Variants in MDGA2 observed in about 807,000 individuals in gnomAD.
The protein encoded by MDGA2 is MAM domain containing glycosylphosphatidylinositol anchor 2, also known as MAM domain-containing glycosylphosphatidylinositol anchor protein 2.
A neutral mutation model predicts 117.8 loss-of-function variants in MDGA2; 40 were observed. The ratio of observed to expected loss-of-function variants is 0.34; its 90% CI spans 0.26 to 0.44. MDGA2 has a LOEUF of 0.44. Among genes scored for constraint, MDGA2 ranks in the 20% least tolerant of loss-of-function variants. The probability of loss-of-function intolerance (pLI) is 1.00; values close to 1 mark genes in which losing one functional copy is unlikely to be tolerated. For synonymous variants in MDGA2, 452 were observed against 439.0 expected, an observed-to-expected ratio of 1.03 and a Z score of -0.37; for missense variants, 1,123 against 1,250.6, an observed-to-expected ratio of 0.90 and a Z score of 1.54.
intron 3 of MDGA2, among the ~76,000 whole-genome samples, chr14:47,153,556 T>TA (rs1274743387): frequency 6.6e-6 from 1 of 151,850 alleles, no homozygotes; most frequent in African/African-American, 2.4e-5. Context: ...AGAGCCAAAA[T>TA]AAGTCTGGGC....
chr14:47,403,070 A>G (rs1266178406), intron 1 of MDGA2, among the ~76,000 whole-genome samples: 1 of 152,026 alleles, frequency 6.6e-6, no homozygotes, highest in East Asian at 1.9e-4. Context: ...TTCTCTCCAC[A>G]CTTTCTCTCT....
At chr14:47,564,497 C>T (rs565456284) in intron 1 of MDGA2, among the ~76,000 whole-genome samples, 1 of 152,208 alleles carries the variant, frequency 6.6e-6, no homozygotes, top group East Asian at 1.9e-4. Flanking sequence ...CTTATAAAAC[C>T]CTCAAATCTC....
At chr14:47,428,169 AAATT>A (rs1417386546) in intron 1 of MDGA2, among the ~76,000 whole-genome samples, 2 of 152,148 alleles carry the variant, frequency 1.3e-5, no homozygotes, top group Admixed American at 6.6e-5. Flanking sequence ...AAACAGGAAA[AAATT>A]AAAGAAACTC....
intron 3 of MDGA2, among the ~76,000 whole-genome samples, chr14:47,152,305 T>C (rs769018618): frequency 9.2e-5 from 14 of 152,188 alleles, no homozygotes; most frequent in Non-Finnish European, 1.3e-4. Flanking sequence ...TACTTTGCAA[T>C]ATTTTTTTGA....
intron 1 of MDGA2, among the ~76,000 whole-genome samples, chr14:47,488,427 C>G (rs1253648129): frequency 6.6e-6 from 1 of 152,114 alleles, no homozygotes; most frequent in Non-Finnish European, 1.5e-5. Context: ...ATTTCTACTA[C>G]TTTGTGTGCT....
At chr14:46,925,464 T>G (rs1884289961) in intron 9 of MDGA2, among the ~76,000 whole-genome samples, 1 of 151,746 alleles carries the variant, frequency 6.6e-6, no homozygotes, top group Non-Finnish European at 1.5e-5. Context: ...AAACCCCATC[T>G]CTACTAAAAA....
chr14:46,934,816 T>A (rs903534856), intron 9 of MDGA2, among the ~76,000 whole-genome samples: 8 of 152,140 alleles, frequency 5.3e-5, no homozygotes, highest in Admixed American at 2.6e-4. Context: ...AATCATTTCA[T>A]TAATACACGG....
chr14:47,563,881 A>T (rs1895868228), intron 1 of MDGA2, among the ~76,000 whole-genome samples: 1 of 151,998 alleles, frequency 6.6e-6, no homozygotes, highest in Non-Finnish European at 1.5e-5. Context: ...GTGTTTTTGT[A>T]GCAGTGAGTA....
At chr14:47,408,056 C>CTT (rs56285818) in intron 1 of MDGA2, among the ~76,000 whole-genome samples, 19,783 of 115,140 alleles carry the variant, frequency 0.17, 2,105 homozygotes, top group African/African-American at 0.24. Flanking sequence ...GGAGATTATT[C>CTT]TTTTTTTTTT....
intron 9 of MDGA2, among the ~76,000 whole-genome samples, chr14:46,939,881 G>A (rs1228634327): frequency 6.6e-6 from 1 of 152,108 alleles, no homozygotes; most frequent in East Asian, 1.9e-4. Context: ...AATACCTTTG[G>A]GTATGGTTGC....
chr14:46,887,239 T>A (rs1390225388), intron 10 of MDGA2, among the ~76,000 whole-genome samples: 4 of 152,038 alleles, frequency 2.6e-5, no homozygotes, highest in Non-Finnish European at 4.4e-5. Flanking sequence ...TATCATTATA[T>A]GTAATATCCC....
At chr14:47,128,022 C>T (rs1249085110) in intron 5 of MDGA2, among the ~76,000 whole-genome samples, 1 of 152,088 alleles carries the variant, frequency 6.6e-6, no homozygotes, top group Non-Finnish European at 1.5e-5. Flanking sequence ...TCTTCAAACA[C>T]TGGAGTCAAT....
intron 1 of MDGA2, among the ~76,000 whole-genome samples, chr14:47,438,501 A>C (rs1015948845): frequency 6.6e-5 from 10 of 152,148 alleles, no homozygotes; most frequent in Admixed American, 5.9e-4. Context: ...AAATAATTTC[A>C]AATATTCCTG....
intron 1 of MDGA2, among the ~76,000 whole-genome samples, chr14:47,619,136 CACACACACACACACAGAT>C (rs1897001575): frequency 1.5e-5 from 2 of 132,622 alleles, no homozygotes; most frequent in African/African-American, 5.0e-5. Context: ...CACACACACA[CACACACACACACACAGAT>C]ACATTATCTA....
At chr14:46,990,882 A>ACC (rs1887067040) in intron 8 of MDGA2, among the ~76,000 whole-genome samples, 8 of 144,124 alleles carry the variant, frequency 5.6e-5, no homozygotes, top group Admixed American at 3.4e-4. Flanking sequence ...ACACACACAC[A>ACC]CACACACACA....
At chr14:47,106,839 C>T (rs12432283) in intron 5 of MDGA2, among the ~76,000 whole-genome samples, 18,664 of 139,184 alleles carry the variant, frequency 0.13, 1,696 homozygotes, top group Admixed American at 0.19. Flanking sequence ...GTATTGACGG[C>T]CAGGCTTCTA....
At chr14:46,849,837 A>G (rs2138284065) in intron 15 of MDGA2, among the ~76,000 whole-genome samples, 1 of 151,926 alleles carries the variant, frequency 6.6e-6, no homozygotes, top group South Asian at 2.1e-4. Flanking sequence ...TTACAGAGAT[A>G]AAACCATTTT....
At chr14:47,601,012 G>A (rs932055865) in intron 1 of MDGA2, among the ~76,000 whole-genome samples, 1 of 152,184 alleles carries the variant, frequency 6.6e-6, no homozygotes, top group African/African-American at 2.4e-5. Context: ...GCTATCTAGA[G>A]TAACAGTATA....
chr14:46,844,286 T>C (rs903139291), intron 16 of MDGA2, among the ~76,000 whole-genome samples: 2 of 152,080 alleles, frequency 1.3e-5, no homozygotes, highest in Non-Finnish European at 2.9e-5. Context: ...TCTGTTAAAA[T>C]GGCTGGCAAA....
Sources: allele counts gnomAD v4.1 joint callset (sites outside exome capture counted in the v4.1 genomes callset), GRCh38; gene constraint gnomAD v4.1.1; transcripts MANE v1.5; gene names NCBI Gene and HGNC (gene_info 2026-07-23, HGNC 2026-07-21).